The following CPPED1 variants were observed in gnomAD, a reference collection of about 807,000 sequenced individuals.
The protein encoded by CPPED1 is serine/threonine-protein phosphatase CPPED1.
CPPED1 carries 28 observed loss-of-function variants against 28.0 expected under a neutral mutation model. The observed-to-expected ratio is 1.00, with a 90% CI of 0.74 to 1.37. CPPED1 has a LOEUF of 1.37. CPPED1 is among the 40% of genes most tolerant of loss of function. The pLI, the probability that CPPED1 is intolerant of heterozygous loss-of-function variation, is 0.00. For missense variants in CPPED1, 504 were observed against 416.5 expected (o/e 1.21, Z -1.83); for synonymous variants, 198 against 180.2 (o/e 1.10, Z -0.79).
chr16:12,670,059 G>A lies in CPPED1; in HGVS notation c.716-4944C>T, dbSNP rs1427318402. On this transcript the variant is annotated intron_variant, in intron 3 of 3. Coordinates refer to ENST00000381774, the MANE Select transcript of CPPED1 (RefSeq NM_018340.3). This position sits in a 1 kb window ranked among gnomAD's most constrained non-coding sequence, Gnocchi z 4.2. ...CATGCCTGCAATCCCAGCACTTTGGGAGGCCAAGGTGAGAGGATCGCTTGA... is the reference window on the plus strand; with the variant it reads ...CATGCCTGCAATCCCAGCACTTTGGAAGGCCAAGGTGAGAGGATCGCTTGA... Among the ~76,000 whole-genome samples the A allele has an allele frequency of 6.6e-6, 1 of 152,192 alleles. No individual in the cohort carries two copies. Among genetic ancestry groups the A allele is most frequent in the African/African-American group, 2.4e-5 (1 of 41,450 alleles).
rs537038258 is a variant in CPPED1, at chr16:12,664,683, C to G, written c.*203G>C. ...TTAAAAACTGATTTCCAGGATCATT[C>G]GCTCCATTTTAAAGGAAATGCAGTT... is the stretch of plus-strand genomic sequence containing the variant. On this transcript the variant is annotated 3_prime_UTR_variant, in exon 4 of 4. Transcript: ENST00000381774. This position sits in a 1 kb window ranked among gnomAD's most constrained non-coding sequence, Gnocchi z 4.2. 1.8e-5 allele frequency: 26 copies of G among 1,410,044 alleles called. No homozygotes were observed. The South Asian group carries it at 3.0e-4, about 17-fold the overall frequency. 87.3% of individuals were successfully genotyped at this position (1,410,044 alleles called of 1,614,324 possible). A position where few individuals can be genotyped will look rare whatever the true frequency, so the allele number is the denominator to read the frequency against.
intron 2 of CPPED1, among the ~76,000 whole-genome samples, chr16:12,732,525 G>A (rs1466612654): frequency 2.0e-5 from 3 of 151,130 alleles, no homozygotes; most frequent in Non-Finnish European, 4.4e-5. Context: ...GAGACAGAGA[G>A]AGAGGATGAA....
chr16:12,714,540 G>A lies in CPPED1; in HGVS notation c.290-9491C>T, dbSNP rs534050597. ...TATTTGCATTTACATAATGACTAAT[G>A]ATGCTAAACATTTGTTGTTGTGCTT... On this transcript the variant is annotated intron_variant, in intron 2 of 3. Coordinates refer to ENST00000381774, the MANE Select transcript of CPPED1 (RefSeq NM_018340.3). Among the ~76,000 whole-genome samples, 22 of 152,294 alleles carry A rather than the reference G, an allele frequency of 1.4e-4. No individual in the cohort carries two copies. The East Asian group carries it at 4.1e-3, about 28-fold the overall frequency.
At chr16:12,746,345 G>A (rs1342556821) in intron 2 of CPPED1, among the ~76,000 whole-genome samples, 1 of 132,846 alleles carries the variant, frequency 7.5e-6, no homozygotes, top group East Asian at 2.3e-4. Context: ...CTGCACTCCC[G>A]CCTAGGCGAC....
intron 3 of CPPED1, among the ~76,000 whole-genome samples, chr16:12,680,152 C>T (rs551797479): frequency 1.3e-5 from 2 of 152,272 alleles, no homozygotes; most frequent in Admixed American, 6.5e-5. Context: ...GCTTCCTAGG[C>T]CCATTCAATT....
At chr16:12,770,860 G>GAAGGAAAGGA (rs371173782) in intron 2 of CPPED1, among the ~76,000 whole-genome samples, 4 of 93,932 alleles carry the variant, frequency 4.3e-5, no homozygotes, top group East Asian at 4.2e-4. Context: ...GAAAGGGAGA[G>GAAGGAAAGGA]AAGGAAAGGA....
At chr16:12,688,123 C>A (rs951223973) in intron 3 of CPPED1, among the ~76,000 whole-genome samples, 2 of 151,722 alleles carry the variant, frequency 1.3e-5, no homozygotes, top group Non-Finnish European at 2.9e-5. Context: ...TCGACCACCC[C>A]AGGCTCAGGT....
chr16:12,746,596 A>G (rs2080289920), intron 2 of CPPED1, among the ~76,000 whole-genome samples: 1 of 151,834 alleles, frequency 6.6e-6, no homozygotes. Context: ...AATGGCAACT[A>G]TGTGGGCAAA....
chr16:12,719,335 G>A (rs2080125469), intron 2 of CPPED1, among the ~76,000 whole-genome samples: 1 of 151,502 alleles, frequency 6.6e-6, no homozygotes, highest in African/African-American at 2.4e-5. Context: ...AGCTTGCAGT[G>A]AGCCGAGATA....
Position 12,781,387 on chromosome 16 carries a change from C to T in CPPED1, c.87G>A (p.Trp29Ter), listed in dbSNP as rs2080530794. The T allele has an allele frequency of 2.5e-6, 4 of 1,613,756 alleles. No homozygotes were observed. Among genetic ancestry groups the T allele is most frequent in the East Asian group, 2.2e-5 (1 of 44,882 alleles). The change falls in exon 2 of 4, where the codon TGG (tryptophan) becomes TGA (stop). Residue 29 changes from tryptophan to a stop codon, truncating the protein, a stop_gained. Coordinates refer to ENST00000381774, the MANE Select transcript of CPPED1 (RefSeq NM_018340.3). LOFTEE classifies it high-confidence loss of function. ...AAFPAEKESE[W>*]KGPFYFILGA... ...CCAGGATGAAGTAGAATGGGCCTTT[C>T]CATTCGCTTTCCTTTTCTTAAAAAA... is the stretch of plus-strand genomic sequence containing the variant.
intron 2 of CPPED1, among the ~76,000 whole-genome samples, chr16:12,726,503 C>G (rs536958796): frequency 6.6e-6 from 1 of 151,906 alleles, no homozygotes; most frequent in Non-Finnish European, 1.5e-5. Context: ...TCACCACACC[C>G]AGCTAATTTT....
intron 2 of CPPED1, among the ~76,000 whole-genome samples, chr16:12,738,028 C>G (rs1567291196): frequency 6.6e-6 from 1 of 152,166 alleles, no homozygotes; most frequent in East Asian, 1.9e-4. Context: ...GTACCCGACG[C>G]AGGTAGAGGG....
At chr16:12,769,637 GC>G (rs1293391057) in intron 2 of CPPED1, among the ~76,000 whole-genome samples, 7 of 152,162 alleles carry the variant, frequency 4.6e-5, no homozygotes, top group African/African-American at 1.7e-4. Context: ...GTCACTGATT[GC>G]CTGGATGATT....
At position 12,686,238 on chromosome 16, in the gene CPPED1, TA is replaced by T. The variant is rs533923434; in HGVS notation, c.715+18385del. Among the ~76,000 whole-genome samples the T allele has an allele frequency of 3.2e-3, 372 of 117,756 alleles. 2 individuals carry two copies. Among genetic ancestry groups the T allele is most frequent in the African/African-American group, 0.019 (291 of 15,428 alleles). The allele number at this position is 117,756 out of a possible 152,430, so 77.3% of individuals were successfully genotyped here. ...CTTGTTTATTAATTGTATATATATATATATTTTTTTTTTTGAGATGGGGTCT... is the reference window on the plus strand; with the variant it reads ...CTTGTTTATTAATTGTATATATATATTATTTTTTTTTTTGAGATGGGGTCT... On this transcript the variant is annotated intron_variant, in intron 3 of 3. Transcript: ENST00000381774.
intron 3 of CPPED1, among the ~76,000 whole-genome samples, chr16:12,674,982 C>T (rs575169036): frequency 1.3e-5 from 2 of 152,186 alleles, no homozygotes; most frequent in Non-Finnish European, 2.9e-5. Flanking sequence ...GGGGGGCACA[C>T]AGCATGGCAG....
At chr16:12,766,069 G>A (rs1397038356) in intron 2 of CPPED1, among the ~76,000 whole-genome samples, 1 of 151,910 alleles carries the variant, frequency 6.6e-6, no homozygotes, top group Non-Finnish European at 1.5e-5. Flanking sequence ...AAAGACACTC[G>A]CTTTGTCTAT....
intron 2 of CPPED1, among the ~76,000 whole-genome samples, chr16:12,723,058 G>T (rs1011153869): frequency 6.6e-6 from 1 of 152,124 alleles, no homozygotes; most frequent in Non-Finnish European, 1.5e-5. Context: ...GCTTTCTGAT[G>T]AGAACAGGAG....
In CPPED1 at chr16:12,682,948, T is replaced by C. The variant is rs2079913428; in HGVS notation, c.716-17833A>G. 6.6e-6 allele frequency among the ~76,000 whole-genome samples: 1 copy of C among 152,242 alleles called. No individual in the cohort carries two copies. The highest frequency in any genetic ancestry group is 2.1e-4 in the South Asian group (1 of 4,832). ...CACAGCTGTCAGGACAAGAGGCTCA[T>C]TAAAAAGATTGTTTTGACTGACAGA... On this transcript the variant is annotated intron_variant, in intron 3 of 3. Coordinates refer to ENST00000381774, the MANE Select transcript of CPPED1 (RefSeq NM_018340.3). This position sits in a 1 kb window ranked among gnomAD's most constrained non-coding sequence, Gnocchi z 6.1.
Position 12,704,688 on chromosome 16 carries a change from G to A in CPPED1, c.651C>T (p.Asp217=), listed in dbSNP as rs1475932687. The change falls in exon 3 of 4, where the codon GAC becomes GAT. Residue 217 remains aspartate (D), a synonymous_variant. Transcript: ENST00000381774. Reference sequence around the variant, plus strand: ...ACTTGCTGAGGTTGAAGTAGTAGTCGTCGTCCTCGTCGATGCTCTCCAGGA... The same window carrying A: ...ACTTGCTGAGGTTGAAGTAGTAGTCATCGTCCTCGTCGATGCTCTCCAGGA... ...PLFLESIDED[D]DYYFNLSKST... 9.3e-6 allele frequency: 15 copies of A among 1,614,138 alleles called. No individual in the cohort carries two copies. The highest frequency in any genetic ancestry group is 2.2e-5 in the East Asian group (1 of 44,886).
Sources: allele counts gnomAD v4.1 joint callset (sites outside exome capture counted in the v4.1 genomes callset), GRCh38; gene constraint gnomAD v4.1.1; non-coding constraint Gnocchi (gnomAD v3.1); transcripts MANE v1.5; gene names NCBI Gene and HGNC (gene_info 2026-07-23, HGNC 2026-07-21).